Variants in SORL1 observed in about 807,000 individuals in gnomAD.
SORL1 encodes sortilin-related receptor.
SORL1 carries 127 observed loss-of-function variants against 273.7 expected under a neutral mutation model. That is an observed-to-expected ratio of 0.46 (90% confidence interval 0.40 to 0.54). The LOEUF is 0.54. Among genes scored for constraint, SORL1 ranks in the 20% least tolerant of loss-of-function variants. The pLI is 0.00. For synonymous variants in SORL1, 1,031 were observed against 1,067.4 expected (o/e 0.97, Z 0.66); for missense variants, 2,494 against 2,846.1 (o/e 0.88, Z 2.81).
intron 1 of SORL1, among the ~76,000 whole-genome samples, chr11:121,462,388 A>C (rs1861014302): frequency 6.7e-6 from 1 of 150,224 alleles, no homozygotes; most frequent in African/African-American, 2.5e-5. Flanking sequence ...CTTTTCCCTA[A>C]CTCCTCCCTC....
intron 5 of SORL1, among the ~76,000 whole-genome samples, chr11:121,495,356 A>G (rs1328296787): frequency 6.6e-6 from 1 of 152,152 alleles, no homozygotes; most frequent in East Asian, 1.9e-4. Context: ...TCAGCCTCCC[A>G]AAGTGTTGGG....
chr11:121,572,564 C>A (rs1398366615), intron 23 of SORL1, among the ~76,000 whole-genome samples: 1 of 152,164 alleles, frequency 6.6e-6, no homozygotes, highest in Admixed American at 6.5e-5. Context: ...GCATGTGTGT[C>A]TCCCTCATCA....
intron 8 of SORL1, among the ~76,000 whole-genome samples, chr11:121,515,438 G>T (rs1022866014): frequency 1.6e-4 from 25 of 152,246 alleles, no homozygotes; most frequent in African/African-American, 5.8e-4. Context: ...ACCCCTGGGG[G>T]AGTAGCGCTG....
intron 11 of SORL1, among the ~76,000 whole-genome samples, chr11:121,523,193 T>A (rs912676598): frequency 7.2e-5 from 11 of 152,156 alleles, no homozygotes; most frequent in African/African-American, 1.2e-4. Context: ...CCTTTGCAAA[T>A]GTGTGAATTT....
At chr11:121,479,309 C>A (rs1378615861) in intron 3 of SORL1, among the ~76,000 whole-genome samples, 4 of 152,154 alleles carry the variant, frequency 2.6e-5, no homozygotes, top group Non-Finnish European at 5.9e-5. Flanking sequence ...TTGCTTTCTT[C>A]CCCACTCTTG....
In SORL1 at chr11:121,605,166, G is replaced by C. The variant is rs1863450493; in HGVS notation, c.4705G>C (p.Gly1569Arg). ...TCTTCAGTGGACAGCTGACTTCTCT[G>C]GGGATGTGACTTTGACCTGGATGAG... ...QNLQWTADFS[G>R]DVTLTWMRPK... Residue 1569 changes from glycine to arginine, a missense_variant, in exon 34 of 48, where the codon GGG becomes CGG. Transcript: ENST00000260197. 1 of 1,613,406 alleles carries C rather than the reference G, an allele frequency of 6.2e-7. No individual in the cohort carries two copies. Among genetic ancestry groups the C allele is most frequent in the Non-Finnish European group, 8.5e-7 (1 of 1,179,456 alleles).
Position 121,589,408 on chromosome 11 carries a change from C to T in SORL1, c.4078+18C>T. The T allele has an allele frequency of 6.2e-7, 1 of 1,611,626 alleles. No individual in the cohort carries two copies. The highest frequency in any genetic ancestry group is 8.5e-7 in the Non-Finnish European group (1 of 1,178,036). ...CAACTGCGGTAAGATGTCCAGTCTG[C>T]CTCCTCACATCCTAATCCTCTAGTT... On this transcript the variant is annotated intron_variant, in intron 29 of 47. Transcript: ENST00000260197.
In SORL1 at chr11:121,623,801, T is replaced by G. The variant is rs1023307876; in HGVS notation, c.6172-1284T>G. On this transcript the variant is annotated intron_variant, in intron 45 of 47. Transcript: ENST00000260197. The stretch of plus-strand genomic sequence containing the variant: ...CCTAGTGGAGGGTCTGGCATAGGCA[T>G]AGCATGTCCTTCTTCCCTTCCCCTG... Among the ~76,000 whole-genome samples the G allele has an allele frequency of 2.0e-5, 3 of 152,212 alleles. 1 individual carries two copies. In the South Asian group the frequency reaches 6.2e-4, roughly 32 times the overall value.
At chr11:121,527,720 G>A (rs577375642) in intron 11 of SORL1, among the ~76,000 whole-genome samples, 5 of 152,220 alleles carry the variant, frequency 3.3e-5, no homozygotes, top group East Asian at 3.9e-4. Flanking sequence ...TGTGTTTCAA[G>A]AAATTTGTCC....
At chr11:121,577,867 T>C (rs1862959480) in intron 25 of SORL1, among the ~76,000 whole-genome samples, 1 of 152,200 alleles carries the variant, frequency 6.6e-6, no homozygotes, top group Non-Finnish European at 1.5e-5. Flanking sequence ...CTAGGTGCTA[T>C]AAGGTAGGGG....
intron 30 of SORL1, 81 bp from the exon 31 acceptor site, chr11:121,590,920 C>T (rs528852935): frequency 2.9e-5 from 44 of 1,519,056 alleles, no homozygotes; most frequent in Middle Eastern, 3.4e-4. Flanking sequence ...CTGGGACATC[C>T]GCACTAGGTT....
intron 27 of SORL1, among the ~76,000 whole-genome samples, chr11:121,587,082 C>G (rs1863127543): frequency 6.6e-6 from 1 of 152,186 alleles, no homozygotes; most frequent in African/African-American, 2.4e-5. Context: ...TGGCTGCTCT[C>G]ATGCTGTAGT....
intron 42 of SORL1, 60 bp from the exon 43 acceptor site, chr11:121,619,693 A>AAT (rs1318624893): frequency 9.3e-5 from 116 of 1,249,454 alleles, no homozygotes; most frequent in Non-Finnish European, 1.2e-4. Flanking sequence ...AAAATACTTT[A>AAT]ATAAAGATTG....
intron 21 of SORL1, among the ~76,000 whole-genome samples, chr11:121,564,247 G>A (rs924305250): frequency 2.6e-5 from 4 of 152,148 alleles, no homozygotes; most frequent in Admixed American, 6.5e-5. Context: ...GCTTCTCTCT[G>A]ATGCAGCTCT....
At chr11:121,600,553 A>C (rs1863373245) in intron 32 of SORL1, among the ~76,000 whole-genome samples, 1 of 151,838 alleles carries the variant, frequency 6.6e-6, no homozygotes, top group South Asian at 2.1e-4. Flanking sequence ...AAGAAATGGG[A>C]CCTCCCTCCT....
rs1863859320 is a variant in SORL1 at position 121,630,469 on chromosome 11, T to TCC, written c.*906_*907insCC. 1 of 152,234 alleles carries TCC rather than the reference T, an allele frequency of 6.6e-6. No individual in the cohort carries two copies. Among genetic ancestry groups the TCC allele is most frequent in the African/African-American group, 2.4e-5 (1 of 41,458 alleles). The allele number at this position is 152,234 out of a possible 1,614,324, so 9.4% of individuals were successfully genotyped here. The stretch of plus-strand genomic sequence containing the variant: ...GTGCCATGATCCATACACTGGCTAA[T>TCC]AGAGTACATAATTTTTCCATTTTCC... On this transcript the variant is annotated 3_prime_UTR_variant, in exon 48 of 48. Transcript: ENST00000260197.
chr11:121,604,405 T>A (rs1244949903), intron 33 of SORL1, 81 bp downstream of exon 33: 8 of 1,529,572 alleles, frequency 5.2e-6, no homozygotes, highest in Non-Finnish European at 6.2e-6. Flanking sequence ...TGTGTAGACC[T>A]TGAGCTAGGA....
chr11:121,626,120 T>C (rs1863791270), intron 46 of SORL1: 1 of 152,240 alleles, frequency 6.6e-6, no homozygotes, highest in Non-Finnish European at 1.5e-5. Flanking sequence ...CCAACTCTTG[T>C]TGACCTAGTA....
intron 16 of SORL1, among the ~76,000 whole-genome samples, 183 bp from the exon 17 acceptor site, chr11:121,553,754 C>G (rs1254637625): frequency 6.6e-6 from 1 of 152,190 alleles, no homozygotes; most frequent in Non-Finnish European, 1.5e-5. Flanking sequence ...AGTAACTTGC[C>G]TGAGGCAGAA....
Sources: allele counts gnomAD v4.1 joint callset (sites outside exome capture counted in the v4.1 genomes callset), GRCh38; gene constraint gnomAD v4.1.1; transcripts MANE v1.5; gene names NCBI Gene and HGNC (gene_info 2026-07-23, HGNC 2026-07-21).